SNAP91: variants seen among roughly 807,000 people sequenced by gnomAD.
The protein encoded by SNAP91 is synaptosome associated protein 91, also known as clathrin coat assembly protein AP180.
A neutral mutation model predicts 100.3 loss-of-function variants in SNAP91; 27 were observed. That is an observed-to-expected ratio of 0.27 (90% CI 0.20 to 0.37). SNAP91 has a LOEUF of 0.37. SNAP91 is among the 10% of genes least tolerant of loss of function. The pLI, the probability that SNAP91 is intolerant of heterozygous loss-of-function variation, is 1.00. For synonymous variants in SNAP91, 404 were observed against 398.6 expected (o/e 1.01, Z -0.16); for missense variants, 986 against 1,123.7 (o/e 0.88, Z 1.75).
At position 83,554,263 on chromosome 6, in the gene SNAP91, C is replaced by A; in HGVS notation, c.*33G>T. The A allele has an allele frequency of 3.4e-6, 1 of 295,880 alleles. No homozygotes were observed. Among genetic ancestry groups the A allele is most frequent in the Non-Finnish European group, 6.6e-6 (1 of 152,406 alleles). 18.3% of individuals were successfully genotyped at this position (295,880 alleles called of 1,614,324 possible). On this transcript the variant is annotated 3_prime_UTR_variant, in exon 30 of 30. Coordinates refer to ENST00000369694, the MANE Select transcript of SNAP91 (RefSeq NM_001242792.2). ...GAAGTCTCCAAACTCATTTATTTTC[C>A]TATTCAGTCACAAATATTGCAGCTG...
At chr6:83,617,985 T>C (rs937695106) in intron 9 of SNAP91, among the ~76,000 whole-genome samples, 9 of 151,988 alleles carry the variant, frequency 5.9e-5, no homozygotes, top group South Asian at 4.1e-4. Context: ...GAAATTAATT[T>C]TGAAGGACAT....
At chr6:83,621,559 T>C (rs187695024) in intron 9 of SNAP91, among the ~76,000 whole-genome samples, 172 of 152,246 alleles carry the variant, frequency 1.1e-3, no homozygotes, top group African/African-American at 3.9e-3. Context: ...TCTGGGCTTC[T>C]TGAGGGGGAG....
intron 26 of SNAP91, among the ~76,000 whole-genome samples, chr6:83,574,792 C>G (rs1303250235): frequency 6.6e-6 from 1 of 151,998 alleles, no homozygotes; most frequent in Admixed American, 6.6e-5. Flanking sequence ...CTTATTTACT[C>G]TCTCTCCCAC....
At chr6:83,663,036 T>C (rs1348984189) in intron 3 of SNAP91, among the ~76,000 whole-genome samples, 5 of 152,136 alleles carry the variant, frequency 3.3e-5, no homozygotes, top group African/African-American at 1.2e-4. Context: ...TGATCTGTCA[T>C]CAGTGATCTT....
chr6:83,662,274 T>A (rs2098556516), intron 4 of SNAP91, 73 bp downstream of exon 4: 1 of 519,228 alleles, frequency 1.9e-6, no homozygotes, highest in Non-Finnish European at 3.3e-6. Context: ...TCAGTTGCAA[T>A]GATTTTGGAT....
intron 7 of SNAP91, among the ~76,000 whole-genome samples, chr6:83,646,764 A>G (rs1238474135): frequency 2.0e-5 from 3 of 152,222 alleles, no homozygotes; most frequent in African/African-American, 7.2e-5. Context: ...CAATGAATCT[A>G]TAGATCATGT....
intron 5 of SNAP91, 49 bp downstream of exon 5, chr6:83,661,453 C>A (rs1370234309): frequency 1.7e-6 from 2 of 1,186,790 alleles, no homozygotes; most frequent in Non-Finnish European, 2.4e-6. Context: ...TCAAGTATGC[C>A]TCAAAGACTT....
chr6:83,630,201 C>A (rs535585039), intron 8 of SNAP91, among the ~76,000 whole-genome samples: 1 of 151,744 alleles, frequency 6.6e-6, no homozygotes, highest in South Asian at 2.1e-4. Flanking sequence ...GGTATGAAAC[C>A]CTTGATCATG....
intron 16 of SNAP91, among the ~76,000 whole-genome samples, chr6:83,595,974 A>G (rs1313554659): frequency 2.0e-5 from 3 of 152,234 alleles, no homozygotes; most frequent in African/African-American, 7.2e-5. Flanking sequence ...CTTAGAAGGG[A>G]CAACAGGACA....
intron 7 of SNAP91, among the ~76,000 whole-genome samples, chr6:83,654,851 A>G (rs112506338): frequency 5.3e-5 from 8 of 152,332 alleles, no homozygotes; most frequent in Middle Eastern, 3.4e-3. Flanking sequence ...AAGAAAATCA[A>G]TGTAGCTCCT....
intron 22 of SNAP91, among the ~76,000 whole-genome samples, chr6:83,585,858 T>C (rs2092476091): frequency 6.6e-6 from 1 of 150,600 alleles, no homozygotes; most frequent in African/African-American, 2.4e-5. Flanking sequence ...TCTTTCTTTT[T>C]TTTTTTTTTT....
chr6:83,614,197 A>G (rs552927353), intron 11 of SNAP91, among the ~76,000 whole-genome samples: 64 of 152,218 alleles, frequency 4.2e-4, no homozygotes, highest in Non-Finnish European at 7.6e-4. Flanking sequence ...TGAATTACAA[A>G]AGATTTATCT....
chr6:83,667,904 T>A (rs2098716565), intron 2 of SNAP91, among the ~76,000 whole-genome samples: 1 of 151,974 alleles, frequency 6.6e-6, no homozygotes, highest in Non-Finnish European at 1.5e-5. Context: ...ACCTACAGAA[T>A]GGGAGAAAAT....
intron 5 of SNAP91, among the ~76,000 whole-genome samples, chr6:83,660,780 C>CTT (rs113422614): frequency 7.5e-5 from 11 of 146,038 alleles, no homozygotes; most frequent in African/African-American, 2.3e-4. Flanking sequence ...TATTTTCCAT[C>CTT]TTTTTTTTTT....
intron 2 of SNAP91, among the ~76,000 whole-genome samples, chr6:83,673,273 G>T (rs779723437): frequency 1.3e-5 from 2 of 152,082 alleles, no homozygotes; most frequent in Non-Finnish European, 2.9e-5. Context: ...GAAGACTGTG[G>T]GAGATGATTA....
intron 2 of SNAP91, chr6:83,686,844 T>C (rs2099068074): frequency 6.6e-6 from 1 of 152,128 alleles, no homozygotes; most frequent in Non-Finnish European, 1.5e-5. Context: ...TAAAGCCTAT[T>C]AGGAAAAAAG....
At chr6:83,690,346 C>T in intron 2 of SNAP91, 1 of 1,285,936 alleles carries the variant, frequency 7.8e-7, no homozygotes, top group Admixed American at 2.3e-5. Context: ...TTGTGATCTC[C>T]TCATACTTTG....
intron 2 of SNAP91, among the ~76,000 whole-genome samples, chr6:83,676,597 G>A (rs1191460229): frequency 6.6e-6 from 1 of 152,152 alleles, no homozygotes; most frequent in Non-Finnish European, 1.5e-5. Flanking sequence ...ACGGAGTGGT[G>A]GACAGAGAAC....
chr6:83,661,688 T>C (rs2128742590), intron 4 of SNAP91, 84 bp from the exon 5 acceptor site: 2 of 694,080 alleles, frequency 2.9e-6, no homozygotes, highest in Middle Eastern at 3.0e-4. Flanking sequence ...TTTTTAACTC[T>C]CTAAATGGTG....
Sources: allele counts gnomAD v4.1 joint callset (sites outside exome capture counted in the v4.1 genomes callset), GRCh38; gene constraint gnomAD v4.1.1; transcripts MANE v1.5; gene names NCBI Gene and HGNC (gene_info 2026-07-23, HGNC 2026-07-21).